ADAM2: variants seen among roughly 807,000 people sequenced by gnomAD.
ADAM2 encodes the protein disintegrin and metalloproteinase domain-containing protein 2.
A neutral mutation model predicts 99.3 loss-of-function variants in ADAM2; 101 were observed. That is an observed-to-expected ratio of 1.02 (90% confidence interval 0.87 to 1.20). The LOEUF is 1.20. Among genes scored for constraint, ADAM2 ranks in the 50% most tolerant of loss-of-function variants. The pLI is 0.00. For missense variants in ADAM2, 948 were observed against 878.7 expected (o/e 1.08, Z -1.00); for synonymous variants, 323 against 287.6 (o/e 1.12, Z -1.25).
At chr8:39,789,718 C>T (rs925936431) in intron 7 of ADAM2, among the ~76,000 whole-genome samples, 9 of 151,242 alleles carry the variant, frequency 6.0e-5, no homozygotes, top group Admixed American at 1.3e-4. Context: ...TTAAAAACTT[C>T]CTGCTTCAAA....
Position 39,824,883 on chromosome 8 carries a change from T to A in ADAM2, c.203A>T (p.His68Leu). 2.0e-6 allele frequency: 3 copies of A among 1,520,970 alleles called. No individual in the cohort carries two copies. Among genetic ancestry groups the A allele is most frequent in the Non-Finnish European group, 2.7e-6 (3 of 1,104,166 alleles). The allele number at this position is 1,520,970 out of a possible 1,614,324, so 94.2% of individuals were successfully genotyped here. A position where few individuals can be genotyped will look rare whatever the true frequency, so the allele number is the denominator to read the frequency against. ...VNLMQKNFLP[H>L]NFRVYSYSGT... ...ACTATAACTGTAAACTCTAAAATTA[T>A]GGGGTAAAAAGTTTCTGTAACATAA... The change falls in exon 4 of 21, where the codon CAT becomes CTT. Residue 68 changes from histidine to leucine, a missense_variant. Physicochemically the swap from His to Leu is moderately conservative, Grantham distance 99 (BLOSUM62 -3). Transcript: ENST00000265708.
chr8:39,744,983 A>AATTT, intron 19 of ADAM2, 90 bp from the exon 20 acceptor site: 1 of 1,009,172 alleles, frequency 9.9e-7, no homozygotes, highest in South Asian at 1.6e-5. Context: ...AACAGTTCTG[A>AATTT]ATTTTTACCT....
At chr8:39,774,946 A>G (rs1787442762) in intron 11 of ADAM2, among the ~76,000 whole-genome samples, 1 of 152,036 alleles carries the variant, frequency 6.6e-6, no homozygotes, top group Non-Finnish European at 1.5e-5. Context: ...TGATTGTAGG[A>G]ATTTTATGTG....
chr8:39,766,726 A>T, intron 14 of ADAM2, 122 bp downstream of exon 14: 3 of 812,544 alleles, frequency 3.7e-6, no homozygotes, highest in Non-Finnish European at 5.6e-6. Context: ...CTCTTTCTAT[A>T]ATTCTTTAGA....
chr8:39,747,783 T>C lies in ADAM2; in HGVS notation c.2015-1152A>G, dbSNP rs1310097937. Among the ~76,000 whole-genome samples, 6 of 152,182 alleles carry C rather than the reference T, an allele frequency of 3.9e-5. No homozygotes were observed. In the East Asian group the frequency reaches 9.6e-4, roughly 24 times the overall value. On this transcript the variant is annotated intron_variant, in intron 18 of 20. Coordinates refer to ENST00000265708, the MANE Select transcript of ADAM2 (RefSeq NM_001464.5). ...TTTTCCACATTACCAAAGGCAGCAGTGATGCCAAACAATTTACCACTTCAT... is the reference window on the plus strand; with the variant it reads ...TTTTCCACATTACCAAAGGCAGCAGCGATGCCAAACAATTTACCACTTCAT...
intron 3 of ADAM2, among the ~76,000 whole-genome samples, chr8:39,831,530 T>C (rs1023242386): frequency 3.3e-5 from 5 of 151,898 alleles, no homozygotes; most frequent in Admixed American, 3.3e-4. Flanking sequence ...TGTAGAAAAA[T>C]AGCAATAATC....
chr8:39,786,341 T>G (rs554546313), intron 10 of ADAM2, among the ~76,000 whole-genome samples: 1 of 152,304 alleles, frequency 6.6e-6, no homozygotes, highest in East Asian at 1.9e-4. Flanking sequence ...ATTCATCTCT[T>G]TATTGCTTCA....
intron 9 of ADAM2, 119 bp downstream of exon 9, chr8:39,787,966 A>G (rs998621145): frequency 4.7e-5 from 27 of 574,532 alleles, no homozygotes; most frequent in Non-Finnish European, 6.6e-5. Flanking sequence ...AAATATTTAC[A>G]TGGCGTGTGT....
At chr8:39,805,882 C>G (rs888471819) in intron 7 of ADAM2, among the ~76,000 whole-genome samples, 1 of 152,146 alleles carries the variant, frequency 6.6e-6, no homozygotes, top group East Asian at 1.9e-4. Flanking sequence ...AGCCAGAAAC[C>G]TAGCATGAAA....
chr8:39,823,922 T>C (rs1805295879), intron 4 of ADAM2, among the ~76,000 whole-genome samples: 1 of 152,096 alleles, frequency 6.6e-6, no homozygotes, highest in Non-Finnish European at 1.5e-5. Flanking sequence ...TGAGTCGCTA[T>C]ATAGAAATCA....
At chr8:39,818,880 G>A (rs747549140) in intron 6 of ADAM2, among the ~76,000 whole-genome samples, 9 of 151,948 alleles carry the variant, frequency 5.9e-5, no homozygotes, top group Non-Finnish European at 1.3e-4. Flanking sequence ...ATAAAACATT[G>A]CAGAAATAAA....
chr8:39,814,913 T>C (rs1201443856), intron 6 of ADAM2, among the ~76,000 whole-genome samples: 1 of 151,616 alleles, frequency 6.6e-6, no homozygotes, highest in Non-Finnish European at 1.5e-5. Context: ...CAAATATCAA[T>C]ATTTAAAATG....
intron 4 of ADAM2, 86 bp from the exon 5 acceptor site, chr8:39,821,748 G>C (rs1368605157): frequency 2.2e-6 from 2 of 894,738 alleles, no homozygotes; most frequent in Non-Finnish European, 3.5e-6. Flanking sequence ...TATGTGTTTT[G>C]TTTTTATGCA....
chr8:39,769,795 G>C (rs1802707865), intron 11 of ADAM2, among the ~76,000 whole-genome samples: 1 of 152,100 alleles, frequency 6.6e-6, no homozygotes, highest in Non-Finnish European at 1.5e-5. Flanking sequence ...GCTCTCCTAT[G>C]ACACTTATTC....
At chr8:39,765,029 AT>A (rs1802516565) in intron 14 of ADAM2, among the ~76,000 whole-genome samples, 1 of 10,960 alleles carries the variant, frequency 9.1e-5, no homozygotes, top group African/African-American at 8.7e-4. Context: ...GCTCCAAAAA[AT>A]AAATAAATAA....
chr8:39,805,816 T>C (rs959343124), intron 7 of ADAM2, among the ~76,000 whole-genome samples: 7 of 152,160 alleles, frequency 4.6e-5, no homozygotes, highest in African/African-American at 1.7e-4. Context: ...AAGGCCAACA[T>C]CACATCTAAA....
chr8:39,761,346 C>T, intron 14 of ADAM2, 65 bp from the exon 15 acceptor site: 1 of 847,386 alleles, frequency 1.2e-6, no homozygotes, highest in Non-Finnish European at 1.7e-6. Context: ...ATAACAAATA[C>T]ACTTAAAATT....
intron 7 of ADAM2, among the ~76,000 whole-genome samples, chr8:39,797,515 G>A (rs866943823): frequency 6.6e-6 from 1 of 151,958 alleles, no homozygotes; most frequent in Admixed American, 6.6e-5. Flanking sequence ...TGCTTAGGAT[G>A]TTCTTTGCTA....
At chr8:39,790,380 A>G (rs1803656213) in intron 7 of ADAM2, among the ~76,000 whole-genome samples, 1 of 152,026 alleles carries the variant, frequency 6.6e-6, no homozygotes, top group Non-Finnish European at 1.5e-5. Flanking sequence ...CATAACATGT[A>G]TAAACCTGAA....
Sources: gnomAD v4.1 joint callset for allele counts (sites outside exome capture counted in the v4.1 genomes callset) on GRCh38, gnomAD v4.1.1 for gene constraint, MANE v1.5 for transcripts, NCBI Gene and HGNC (gene_info 2026-07-23, HGNC 2026-07-21) for gene names.